CTBP2: variants seen among roughly 807,000 people sequenced by gnomAD.
CTBP2 encodes C-terminal-binding protein 2.
A neutral mutation model predicts 80.3 loss-of-function variants in CTBP2; 30 were observed. The observed-to-expected ratio is 0.37, with a 90% CI of 0.28 to 0.51. The LOEUF is 0.51. Among genes scored for constraint, CTBP2 ranks in the 20% least tolerant of loss-of-function variants. The pLI, the probability that CTBP2 is intolerant of heterozygous loss-of-function variation, is 0.93. For missense variants in CTBP2, 1,212 were observed against 1,375.3 expected (o/e 0.88, Z 1.88); for synonymous variants, 594 against 587.4 (o/e 1.01, Z -0.16).
chr10:125,064,080 G>A (rs1242759605), intron 2 of CTBP2, among the ~76,000 whole-genome samples: 1 of 152,196 alleles, frequency 6.6e-6, no homozygotes, highest in African/African-American at 2.4e-5. Flanking sequence ...CTGCCAGTAG[G>A]TTTTGTATTT....
At chr10:125,007,182 G>A (rs1482767878) in intron 1 of CTBP2, among the ~76,000 whole-genome samples, 3 of 152,252 alleles carry the variant, frequency 2.0e-5, no homozygotes, top group Non-Finnish European at 4.4e-5. Flanking sequence ...AATGACATCA[G>A]TGCCTTACTG....
chr10:125,039,113 G>C (rs1339623573), exon 3 of CTBP2: 1 of 1,515,884 alleles, frequency 6.6e-7, no homozygotes, highest in Non-Finnish European at 9.1e-7. Flanking sequence ...TAAGAACTTA[G>C]GGGAACTTGC....
intron 2 of CTBP2, among the ~76,000 whole-genome samples, chr10:125,041,362 T>C (rs1033767988): frequency 2.6e-5 from 4 of 152,224 alleles, no homozygotes; most frequent in Admixed American, 2.6e-4. Context: ...GGATTACAGG[T>C]GTGAGCCACT....
chr10:125,020,843 C>T (rs530302498), intron 1 of CTBP2, among the ~76,000 whole-genome samples: 8 of 152,266 alleles, frequency 5.3e-5, no homozygotes, highest in East Asian at 3.9e-4. Flanking sequence ...AGGGGGTCTG[C>T]GCTGTCGAGG....
chr10:125,134,840 C>T (rs1041464496), intron 1 of CTBP2, among the ~76,000 whole-genome samples: 19 of 151,960 alleles, frequency 1.3e-4, no homozygotes, highest in African/African-American at 4.6e-4. Context: ...CAGGCATAGC[C>T]CTCCCCACTC....
intron 1 of CTBP2, among the ~76,000 whole-genome samples, chr10:125,008,258 C>CT (rs373772878): frequency 6.8e-4 from 104 of 152,302 alleles, no homozygotes; most frequent in African/African-American, 2.5e-3. Flanking sequence ...GCTCTGGCCT[C>CT]TTTTTTTAAA....
At chr10:124,998,622 A>G in intron 3 of CTBP2, 1 of 202,870 alleles carries the variant, frequency 4.9e-6, no homozygotes, top group South Asian at 9.5e-5. Context: ...GTTTTAAGCT[A>G]TGCTAACAGT....
At chr10:125,137,063 T>C (rs1857086888) in intron 1 of CTBP2, among the ~76,000 whole-genome samples, 1 of 152,256 alleles carries the variant, frequency 6.6e-6, no homozygotes, top group Non-Finnish European at 1.5e-5. Flanking sequence ...CTCATATTCC[T>C]GCTTGTTCTT....
At chr10:125,008,244 G>A (rs1955479026) in intron 1 of CTBP2, among the ~76,000 whole-genome samples, 1 of 152,218 alleles carries the variant, frequency 6.6e-6, no homozygotes, top group Admixed American at 6.5e-5. Context: ...ACCGTGCCTG[G>A]CCGGCTCTGG....
rs759830222 is a variant in CTBP2, at chr10:125,026,485, G to A, written c.1275C>T (p.Gly425=). ...GGAAGTGTGGGGCATGGGTGCCCAC[G>A]CCAGGGGCAGAATAGGTGGCTGCCG... The change falls in exon 1 of 9, where the codon GGC becomes GGT. Residue 425 remains glycine (G), a synonymous_variant. Transcript: ENST00000309035. The A allele has an allele frequency of 6.9e-6, 11 of 1,600,868 alleles. No individual in the cohort carries two copies. The highest frequency in any genetic ancestry group is 3.3e-5 in the South Asian group (3 of 90,374).
chr10:125,090,546 T>A (rs1464448730), intron 2 of CTBP2, among the ~76,000 whole-genome samples: 1 of 151,168 alleles, frequency 6.6e-6, no homozygotes, highest in Admixed American at 6.6e-5. Context: ...AAGGATCACT[T>A]GAGGCCAGGA....
chr10:125,059,215 T>A (rs1377752390), intron 2 of CTBP2, among the ~76,000 whole-genome samples: 1 of 152,130 alleles, frequency 6.6e-6, no homozygotes, highest in Non-Finnish European at 1.5e-5. Context: ...CTGGGTTTTG[T>A]TGGCTTATAG....
intron 1 of CTBP2, among the ~76,000 whole-genome samples, chr10:125,157,627 T>G: frequency 6.8e-6 from 1 of 147,694 alleles, no homozygotes; most frequent in Admixed American, 6.8e-5. Flanking sequence ...CTCTCTCCCT[T>G]TTACAGGGGG....
chr10:125,125,485 G>A (rs1021040900), intron 1 of CTBP2, among the ~76,000 whole-genome samples: 13 of 152,142 alleles, frequency 8.5e-5, no homozygotes, highest in Non-Finnish European at 1.5e-4. Context: ...TAGTAAGGAG[G>A]TACTAAGCAT....
intron 1 of CTBP2, among the ~76,000 whole-genome samples, chr10:125,019,990 C>T (rs2092494890): frequency 6.6e-6 from 1 of 152,120 alleles, no homozygotes; most frequent in Admixed American, 6.5e-5. Context: ...CCAGGATGGA[C>T]ACTGGACACT....
intron 1 of CTBP2, among the ~76,000 whole-genome samples, chr10:125,007,867 G>T (rs1955437826): frequency 6.6e-6 from 1 of 152,116 alleles, no homozygotes; most frequent in Middle Eastern, 3.5e-3. Context: ...AGGGTAAAGG[G>T]TTTCAGGATT....
chr10:125,027,045 C>A lies in CTBP2; in HGVS notation c.715G>T (p.Ala239Ser). ...CCTGTGCTGCCTTCGGGGGCAGCAGCTGAACTGGGGTCCACAACCAGGCAC... is the reference window on the plus strand; with the variant it reads ...CCTGTGCTGCCTTCGGGGGCAGCAGATGAACTGGGGTCCACAACCAGGCAC... Residue 239 changes from alanine (A) to serine (S), a missense_variant, in exon 1 of 9, where the codon GCT becomes TCT. Coordinates refer to ENST00000309035, the MANE Select transcript of CTBP2 (RefSeq NM_022802.3). The A allele has an allele frequency of 1.2e-6, 2 of 1,613,492 alleles. No individual in the cohort carries two copies. Among genetic ancestry groups the A allele is most frequent in the South Asian group, 2.2e-5 (2 of 91,072 alleles).
intron 2 of CTBP2, among the ~76,000 whole-genome samples, chr10:125,105,826 T>C (rs1319540174): frequency 6.6e-6 from 1 of 152,246 alleles, no homozygotes; most frequent in Admixed American, 6.5e-5. Context: ...ACTTGATTAG[T>C]AAGCCAACAT....
chr10:125,124,771 CA>C (rs1204300221), intron 1 of CTBP2, among the ~76,000 whole-genome samples: 2 of 152,082 alleles, frequency 1.3e-5, no homozygotes, highest in East Asian at 3.8e-4. Flanking sequence ...TTTTTTAAAA[CA>C]AAAACTCTTT....
Sources: allele counts gnomAD v4.1 joint callset (sites outside exome capture counted in the v4.1 genomes callset), GRCh38; gene constraint gnomAD v4.1.1; transcripts MANE v1.5; gene names NCBI Gene and HGNC (gene_info 2026-07-23, HGNC 2026-07-21).